Variants in CARMIL1 observed in about 807,000 individuals in gnomAD.
CARMIL1 encodes capping protein regulator and myosin 1 linker 1, also known as F-actin-uncapping protein LRRC16A.
Under a neutral mutation model 177.1 loss-of-function variants are expected in CARMIL1, and 90 were observed. The observed-to-expected ratio is 0.51, with a 90% confidence interval of 0.43 to 0.61. The LOEUF is 0.61. Ranked by LOEUF, CARMIL1 falls within the 20% of genes least tolerant of loss-of-function variation. CARMIL1 has a pLI of 0.00. For missense variants in CARMIL1, 1,380 were observed against 1,667.0 expected, an observed-to-expected ratio of 0.83 and a Z score of 3.00; for synonymous variants, 577 against 606.2, an observed-to-expected ratio of 0.95 and a Z score of 0.71.
intron 22 of CARMIL1, among the ~76,000 whole-genome samples, 154 bp from the exon 23 acceptor site, chr6:25,520,090 A>T (rs1806397544): frequency 6.6e-6 from 1 of 152,226 alleles, no homozygotes; most frequent in African/African-American, 2.4e-5. Context: ...ATTACAAAGG[A>T]TAATCTGCAA....
chr6:25,539,661 G>A (rs543188173), intron 25 of CARMIL1, among the ~76,000 whole-genome samples: 6 of 149,604 alleles, frequency 4.0e-5, no homozygotes, highest in African/African-American at 1.5e-4. Flanking sequence ...AAGACATGAG[G>A]AGGTAATGTA....
At chr6:25,563,865 A>C (rs1811340500) in intron 29 of CARMIL1, 3 of 985,296 alleles carry the variant, frequency 3.0e-6, no homozygotes, top group Non-Finnish European at 2.4e-6. Flanking sequence ...TGAGGTCATC[A>C]AGAAAGGCTT....
At chr6:25,470,565 A>G (rs1476553046) in intron 9 of CARMIL1, among the ~76,000 whole-genome samples, 1 of 152,208 alleles carries the variant, frequency 6.6e-6, no homozygotes, top group Non-Finnish European at 1.5e-5. Flanking sequence ...GTATATTTTT[A>G]TCATTTCATT....
intron 29 of CARMIL1, among the ~76,000 whole-genome samples, chr6:25,570,026 T>C (rs1160802894): frequency 2.6e-5 from 4 of 151,776 alleles, no homozygotes; most frequent in African/African-American, 9.7e-5. Flanking sequence ...CAGGCTGGAG[T>C]GCAGTGGCGC....
At chr6:25,531,226 A>T (rs1482780821) in intron 24 of CARMIL1, among the ~76,000 whole-genome samples, 1 of 152,222 alleles carries the variant, frequency 6.6e-6, no homozygotes, top group Non-Finnish European at 1.5e-5. Flanking sequence ...CAAATTGAAA[A>T]GAATTGACTA....
intron 31 of CARMIL1, among the ~76,000 whole-genome samples, chr6:25,582,305 C>T (rs951691649): frequency 3.3e-5 from 5 of 152,164 alleles, no homozygotes; most frequent in African/African-American, 1.2e-4. Context: ...TGAGTCATCA[C>T]ACTCTTTTCT....
chr6:25,479,111 C>G (rs748679620), intron 11 of CARMIL1: 1 of 518,938 alleles, frequency 1.9e-6, no homozygotes, highest in Non-Finnish European at 3.8e-6. Context: ...CTCCCAGAAA[C>G]CACTACCAAG....
intron 5 of CARMIL1, among the ~76,000 whole-genome samples, chr6:25,444,545 C>T (rs1447672520): frequency 1.3e-5 from 2 of 152,058 alleles, no homozygotes; most frequent in African/African-American, 2.4e-5. Flanking sequence ...CCCGACAGGC[C>T]CCGGTTTGTG....
intron 23 of CARMIL1, among the ~76,000 whole-genome samples, chr6:25,521,803 C>T (rs1284177190): frequency 1.3e-5 from 2 of 151,870 alleles, no homozygotes; most frequent in Non-Finnish European, 2.9e-5. Context: ...TAAGGCTGGC[C>T]CTCTGTCCAG....
intron 3 of CARMIL1, among the ~76,000 whole-genome samples, chr6:25,423,970 A>G (rs1796080108): frequency 1.3e-5 from 2 of 152,062 alleles, no homozygotes; most frequent in Admixed American, 6.6e-5. Flanking sequence ...AGTAGAGTGG[A>G]TGATGGGTTG....
At chr6:25,468,588 G>A (rs1280491618) in intron 9 of CARMIL1, among the ~76,000 whole-genome samples, 1 of 152,202 alleles carries the variant, frequency 6.6e-6, no homozygotes, top group Non-Finnish European at 1.5e-5. Flanking sequence ...TAGACATTTG[G>A]ATAACACTGT....
intron 8 of CARMIL1, among the ~76,000 whole-genome samples, chr6:25,462,250 CCTTA>C (rs1406405894): frequency 6.6e-6 from 1 of 152,076 alleles, no homozygotes; most frequent in Non-Finnish European, 1.5e-5. Flanking sequence ...CTAAGCCATA[CCTTA>C]CTCTGTTGCC....
chr6:25,460,895 C>A (rs927202059), intron 8 of CARMIL1, among the ~76,000 whole-genome samples: 1 of 152,142 alleles, frequency 6.6e-6, no homozygotes, highest in Non-Finnish European at 1.5e-5. Flanking sequence ...TTATGTCCAC[C>A]ATTTAACACA....
At chr6:25,484,081 A>G (rs1458905524) in intron 12 of CARMIL1, among the ~76,000 whole-genome samples, 4 of 152,090 alleles carry the variant, frequency 2.6e-5, no homozygotes, top group African/African-American at 7.2e-5. Flanking sequence ...TTTCTCTTTG[A>G]AATGTTCTCA....
At chr6:25,490,053 T>C (rs1283158097) in intron 13 of CARMIL1, among the ~76,000 whole-genome samples, 4 of 152,170 alleles carry the variant, frequency 2.6e-5, no homozygotes, top group African/African-American at 9.7e-5. Flanking sequence ...TGTTGTAGCT[T>C]GCTTCTGGGG....
intron 29 of CARMIL1, among the ~76,000 whole-genome samples, chr6:25,579,958 G>A (rs1187447035): frequency 1.3e-5 from 2 of 152,100 alleles, no homozygotes; most frequent in Non-Finnish European, 1.5e-5. Flanking sequence ...TGCAAACTAA[G>A]TTCTTTCAGT....
intron 11 of CARMIL1, among the ~76,000 whole-genome samples, chr6:25,477,284 T>C (rs555953987): frequency 6.6e-6 from 1 of 152,196 alleles, no homozygotes; most frequent in Non-Finnish European, 1.5e-5. Context: ...GCAGCAAATC[T>C]CTGTTATTTT....
chr6:25,564,901 A>G (rs1056021199), intron 29 of CARMIL1, among the ~76,000 whole-genome samples: 3 of 152,166 alleles, frequency 2.0e-5, no homozygotes, highest in Non-Finnish European at 4.4e-5. Flanking sequence ...GCAGGTTGCT[A>G]TGGAAGCACA....
chr6:25,346,504 TTC>T (rs1268446182), intron 2 of CARMIL1, among the ~76,000 whole-genome samples: 4 of 152,200 alleles, frequency 2.6e-5, no homozygotes, highest in African/African-American at 9.7e-5. Context: ...TCCTGACACT[TTC>T]TGTCTCCTTT....
Sources: allele counts gnomAD v4.1 joint callset (sites outside exome capture counted in the v4.1 genomes callset), GRCh38; gene constraint gnomAD v4.1.1; transcripts MANE v1.5; gene names NCBI Gene and HGNC (gene_info 2026-07-23, HGNC 2026-07-21).